The following TEP1 variants were observed in gnomAD, a reference collection of about 807,000 sequenced individuals.
The protein encoded by TEP1 is telomerase associated protein 1.
Under a neutral mutation model 306.3 loss-of-function variants are expected in TEP1, and 241 were observed. That is an observed-to-expected ratio of 0.79 (90% CI 0.71 to 0.88). TEP1 has a LOEUF of 0.88. TEP1 is among the 40% of genes least tolerant of loss of function. The probability of loss-of-function intolerance (pLI) is 0.00; values close to 1 mark genes in which losing one functional copy is unlikely to be tolerated. For synonymous variants in TEP1, 1,289 were observed against 1,305.5 expected (o/e 0.99, Z 0.27); for missense variants, 3,051 against 3,276.1 (o/e 0.93, Z 1.68).
rs771966236 is a variant in TEP1, at chr14:20,401,028, A to T, written c.1505T>A (p.Leu502Gln). The T allele has an allele frequency of 1.9e-6, 3 of 1,614,136 alleles. No individual in the cohort carries two copies. In the African/African-American group the frequency reaches 4.0e-5, roughly 22 times the overall value. ...LSRPETWERE[L>Q]SLRGNKASVW... ...CGACGCTTTGTTCCCCCGTAGGCTC[A>T]GCTCCCGCTCCCAGGTCTCTGGCCT... The change falls in exon 9 of 55, where the codon CTG becomes CAG. Residue 502 changes from leucine to glutamine, a missense_variant. Physicochemically the swap from Leu to Gln is moderately radical, Grantham distance 113. This residue lies in a region of TEP1 where 1,507 missense variants were observed against 1,550.5 expected (regional missense o/e 0.97). Coordinates refer to ENST00000262715, the MANE Select transcript of TEP1 (RefSeq NM_007110.5).
chr14:20,371,433 C>T (rs1356940813), intron 50 of TEP1, 56 bp downstream of exon 50: 4 of 1,606,972 alleles, frequency 2.5e-6, no homozygotes, highest in Non-Finnish European at 3.4e-6. Context: ...AGGATAACCA[C>T]TAACTCAGGT....
At position 20,381,847 on chromosome 14, in the gene TEP1, AG is replaced by A; in HGVS notation, c.4424+65del. The A allele has an allele frequency of 6.3e-7, 1 of 1,588,600 alleles. No homozygotes were observed. Among genetic ancestry groups the A allele is most frequent in the Non-Finnish European group, 8.6e-7 (1 of 1,168,518 alleles). ...GGAGCCAGTTGTTGAAGCTATACAG[AG>A]GGCCCCGGCTCAAAGAAGGGAAGGC... On this transcript the variant is annotated intron_variant, in intron 30 of 54. Transcript: ENST00000262715. This position sits in a 1 kb window ranked among gnomAD's most constrained non-coding sequence, Gnocchi z 4.0.
rs377614240 is a variant in TEP1, at chr14:20,384,396, G to C, written c.3334C>G (p.Leu1112Val). ...DVWNMIQKLYLQPGALLEQPV... is the reference protein window; with the variant it reads ...DVWNMIQKLYVQPGALLEQPV... The stretch of plus-strand genomic sequence containing the variant: ...TCACCAGTGCTTCTGCTGACCTGCA[G>C]GTAGAGCTTCTGGATCATATTCCAT... Residue 1112 changes from leucine to valine, a missense_variant, in exon 23 of 55, where the codon CTG becomes GTG. Leu to Val is a conservative substitution (Grantham distance 32, BLOSUM62 1). This residue lies in a region of TEP1 where 1,507 missense variants were observed against 1,550.5 expected (regional missense o/e 0.97). Transcript: ENST00000262715. 16 of 1,614,032 alleles carry C rather than the reference G, an allele frequency of 9.9e-6. No homozygotes were observed. Among genetic ancestry groups the C allele is most frequent in the Non-Finnish European group, 1.2e-5 (14 of 1,180,014 alleles).
chr14:20,369,265 C>T lies in TEP1; in HGVS notation c.7656+79G>A, dbSNP rs1884672997. 6 of 1,485,694 alleles carry T rather than the reference C, an allele frequency of 4.0e-6. No homozygotes were observed. In the Admixed American group the frequency reaches 1.1e-4, roughly 26 times the overall value. 92.0% of individuals were successfully genotyped at this position (1,485,694 alleles called of 1,614,324 possible). Reference sequence around the variant, plus strand: ...CCTCATTATCTGCCCGCCTAGGCCTCCCAAAGTGCTGGGATTATAGGTGTG... The same window carrying T: ...CCTCATTATCTGCCCGCCTAGGCCTTCCAAAGTGCTGGGATTATAGGTGTG... On this transcript the variant is annotated intron_variant, in intron 53 of 54. Coordinates refer to ENST00000262715, the MANE Select transcript of TEP1 (RefSeq NM_007110.5).
In TEP1 at chr14:20,378,779, G is replaced by A; in HGVS notation, c.5327C>T (p.Thr1776Ile). The change falls in exon 37 of 55, where the codon ACC (threonine) becomes ATC (isoleucine). Residue 1776 changes from threonine (T) to isoleucine (I), a missense_variant. Thr to Ile is a moderately conservative substitution (Grantham distance 89). Coordinates refer to ENST00000262715, the MANE Select transcript of TEP1 (RefSeq NM_007110.5). Reference sequence around the variant, plus strand: ...CTTTAGGCATCCTCCCAAGCACACGGTGGCTAGCAGCCGGCAGTCTGGGCT... The same window carrying A: ...CTTTAGGCATCCTCCCAAGCACACGATGGCTAGCAGCCGGCAGTCTGGGCT... ...CLSPDCRLLATVCLGGCLKLW... is the reference protein window; with the variant it reads ...CLSPDCRLLAIVCLGGCLKLW... The A allele has an allele frequency of 1.2e-6, 2 of 1,614,186 alleles. No individual in the cohort carries two copies. Among genetic ancestry groups the A allele is most frequent in the South Asian group, 1.1e-5 (1 of 91,090 alleles).
intron 15 of TEP1, 83 bp from the exon 16 acceptor site, chr14:20,389,823 G>A: frequency 6.5e-7 from 1 of 1,548,456 alleles, no homozygotes. Context: ...CTGAGGACAG[G>A]AGGATTAGGA....
rs2297615 is a variant in TEP1 at position 20,378,362 on chromosome 14, A to T, written c.5508+18T>A. 0.26 allele frequency: 418,246 copies of T among 1,613,754 alleles called. 54,994 individuals carry two copies. Among genetic ancestry groups the T allele is most frequent in the African/African-American group, 0.33 (24,637 of 74,940 alleles). ...GTCCTCCTGTGCTTCCCCCAAGAGCAACACTGGACCTTCTTACCTTGGTGA... is the reference window on the plus strand; with the variant it reads ...GTCCTCCTGTGCTTCCCCCAAGAGCTACACTGGACCTTCTTACCTTGGTGA... On this transcript the variant is annotated intron_variant, in intron 38 of 54. Coordinates refer to ENST00000262715, the MANE Select transcript of TEP1 (RefSeq NM_007110.5).
In TEP1 at chr14:20,408,400, T is replaced by C; in HGVS notation, c.40A>G (p.Ile14Val). 6.2e-7 allele frequency: 1 copy of C among 1,614,034 alleles called. No individual in the cohort carries two copies. ...AGGCACCGGTTCTCCAAGGAGAGGATGTCTGGATGGGCAGACACATGCCCA... is the reference window on the plus strand; with the variant it reads ...AGGCACCGGTTCTCCAAGGAGAGGACGTCTGGATGGGCAGACACATGCCCA... The part of the protein sequence containing the change: ...LHGHVSAHPD[I>V]LSLENRCLAM... The change falls in exon 2 of 55, where the codon ATC becomes GTC. Residue 14 changes from isoleucine to valine, a missense_variant. Around this residue, in one of 3 missense-constraint regions of TEP1, gnomAD observed 1,507 missense variants for 1,550.5 expected, o/e 0.97. Transcript: ENST00000262715.
rs775466511 is a variant in TEP1 at position 20,408,136 on chromosome 14, G to T, written c.304C>A (p.Pro102Thr). The change falls in exon 2 of 55, where the codon CCA (proline) becomes ACA (threonine). Residue 102 changes from proline to threonine, a missense_variant. Transcript: ENST00000262715. ...CGGTTCTCCAAGGAGAGGATGTCTG[G>T]GTGGGCAGAAACATGTCCATGTGGT... Reference protein sequence around the residue: ...EKPHGHVSAHPDILSLENRCL... With the variant: ...EKPHGHVSAHTDILSLENRCL... The T allele has an allele frequency of 5.6e-6, 9 of 1,610,184 alleles. No homozygotes were observed. The highest frequency in any genetic ancestry group is 5.0e-5 in the Admixed American group (3 of 59,554).
chr14:20,386,270 G>A (rs1877136804), intron 19 of TEP1, 75 bp from the exon 20 acceptor site: 2 of 1,604,624 alleles, frequency 1.2e-6, no homozygotes, highest in East Asian at 4.5e-5. Context: ...CAAACAGGGA[G>A]ACGGGGCCCT....
chr14:20,401,432 G>A, intron 8 of TEP1, 25 bp downstream of exon 8: 1 of 1,612,204 alleles, frequency 6.2e-7, no homozygotes, highest in Non-Finnish European at 8.5e-7. Flanking sequence ...TAGATGGAAT[G>A]CATGCTCAGG....
chr14:20,383,062 G>C (rs1876734678), intron 27 of TEP1, 112 bp downstream of exon 27: 1 of 1,242,888 alleles, frequency 8.0e-7, no homozygotes, highest in Non-Finnish European at 1.1e-6. Context: ...CAGAATTTCT[G>C]AGAAAACAAA....
At position 20,374,374 on chromosome 14, in the gene TEP1, A is replaced by G. The variant is rs1885045055; in HGVS notation, c.6471+55T>C. The stretch of plus-strand genomic sequence containing the variant: ...TAGATACTCCATGCACCGTCTCCCA[A>G]AGCCCCCTTAGCCCTTCCAGAGACC... On this transcript the variant is annotated intron_variant, in intron 44 of 54. Coordinates refer to ENST00000262715, the MANE Select transcript of TEP1 (RefSeq NM_007110.5). 6.0e-6 allele frequency: 8 copies of G among 1,332,192 alleles called. No homozygotes were observed. In the South Asian group the frequency reaches 1.0e-4, roughly 17 times the overall value. The allele number at this position is 1,332,192 out of a possible 1,614,324, so 82.5% of individuals were successfully genotyped here. A position where few individuals can be genotyped will look rare whatever the true frequency, so the allele number is the denominator to read the frequency against.
In TEP1 at chr14:20,382,689, T is replaced by A. The variant is rs779605603; in HGVS notation, c.4074A>T (p.Glu1358Asp). The change falls in exon 28 of 55, where the codon GAA becomes GAT. Residue 1358 changes from glutamate (E) to aspartate (D), a missense_variant. This residue lies in a region of TEP1 where 1,540 missense variants were observed against 1,705.9 expected (regional missense o/e 0.90). Transcript: ENST00000262715. ...NQMRLLLVKR[E>D]SGRPLYLRLV... Reference sequence around the variant, plus strand: ...AGCGCAGGTAGAGCGGCCGGCCTGATTCCCGCTTCACCAGCAGCAGTCGCA... The same window carrying A: ...AGCGCAGGTAGAGCGGCCGGCCTGAATCCCGCTTCACCAGCAGCAGTCGCA... 2 of 1,613,978 alleles carry A rather than the reference T, an allele frequency of 1.2e-6. No homozygotes were observed. Among genetic ancestry groups the A allele is most frequent in the Non-Finnish European group, 1.7e-6 (2 of 1,179,962 alleles).
rs1876735648 is a variant in TEP1 at position 20,383,076 on chromosome 14, G to A, written c.4047+98C>T. On this transcript the variant is annotated intron_variant, in intron 27 of 54. Coordinates refer to ENST00000262715, the MANE Select transcript of TEP1 (RefSeq NM_007110.5). Reference sequence around the variant, plus strand: ...ACAGAATTTCTGAGAAAACAAAGGAGCAGGTCTGTGCAAGGCAGCTAGCGG... The same window carrying A: ...ACAGAATTTCTGAGAAAACAAAGGAACAGGTCTGTGCAAGGCAGCTAGCGG... 5 of 1,313,616 alleles carry A rather than the reference G, an allele frequency of 3.8e-6. No homozygotes were observed. The African/African-American group carries it at 4.4e-5, about 12-fold the overall frequency. 81.4% of individuals were successfully genotyped at this position (1,313,616 alleles called of 1,614,324 possible).
At chr14:20,378,561 G>C in intron 37 of TEP1, 26 bp from the exon 38 acceptor site, 1 of 1,613,906 alleles carries the variant, frequency 6.2e-7, no homozygotes. Context: ...GAGGAATCAG[G>C]ATGCTGAAGA....
At chr14:20,377,554 C>T (rs751588457) in intron 40 of TEP1, 46 bp downstream of exon 40, 60 of 1,613,140 alleles carry the variant, frequency 3.7e-5, no homozygotes, top group South Asian at 2.5e-4. Flanking sequence ...GCAGGGGCTG[C>T]GCTCTTTCTA....
Position 20,382,336 on chromosome 14 carries a change from G to C in TEP1, c.4161C>G (p.Thr1387=), listed in dbSNP as rs201990502. ...GCAGCAGGGGGACAGTGGCAGGCAG[G>C]GTCCGGAGTCTCTCAGACACCTAGG... ...LYEQVSERLR[T]LPATVPLLLQ... Residue 1387 remains threonine, a synonymous_variant, in exon 29 of 55, where the codon ACC becomes ACG. Transcript: ENST00000262715. 6.2e-7 allele frequency: 1 copy of C among 1,611,798 alleles called. No homozygotes were observed. The highest frequency in any genetic ancestry group is 2.2e-5 in the East Asian group (1 of 44,860).
In TEP1 at chr14:20,383,792, A is replaced by G. The variant is rs1876831075; in HGVS notation, c.3661T>C (p.Tyr1221His). Residue 1221 changes from tyrosine (Y) to histidine (H), a missense_variant, in exon 25 of 55, where the codon TAT (tyrosine) becomes CAT (histidine). Tyr to His is a moderately conservative substitution (Grantham distance 83). This residue lies in a region of TEP1 where 1,507 missense variants were observed against 1,550.5 expected (regional missense o/e 0.97). Transcript: ENST00000262715. ...ALTLLRRLCT[Y>H]LRGQLKEPGA... ...GGCTCTTTTAGTTGGCCACGCAGAT[A>G]GGTACAGAGGCGTCTGAGCAGAGTG... 6.2e-7 allele frequency: 1 copy of G among 1,611,072 alleles called. No individual in the cohort carries two copies. The highest frequency in any genetic ancestry group is 8.5e-7 in the Non-Finnish European group (1 of 1,179,390).
Sources: gnomAD v4.1 joint callset for allele counts on GRCh38, gnomAD v4.1.1 for gene constraint, gnomAD v4.1.1 regional missense constraint, Gnocchi (gnomAD v3.1) non-coding constraint, MANE v1.5 for transcripts, NCBI Gene and HGNC (gene_info 2026-07-23, HGNC 2026-07-21) for gene names.